The following FLT4 variants were observed in gnomAD, a reference collection of about 807,000 sequenced individuals.
The protein encoded by FLT4 is vascular endothelial growth factor receptor 3.
Under a neutral mutation model 163.2 loss-of-function variants are expected in FLT4, and 30 were observed. The observed-to-expected ratio is 0.18, with a 90% CI of 0.14 to 0.25. FLT4 has a LOEUF of 0.25. Among genes scored for constraint, FLT4 ranks in the 10% least tolerant of loss-of-function variants. The pLI is 1.00. For synonymous variants in FLT4, 884 were observed against 789.5 expected, an observed-to-expected ratio of 1.12 and a Z score of -2.01; for missense variants, 1,510 against 1,863.8, an observed-to-expected ratio of 0.81 and a Z score of 3.50.
chr5:180,604,439 C>T (rs1761679125), intron 29 of FLT4, among the ~76,000 whole-genome samples: 2 of 152,206 alleles, frequency 1.3e-5, no homozygotes, highest in Admixed American at 1.3e-4. Flanking sequence ...TCCTTGCCGG[C>T]TCTGTGACAT....
intron 1 of FLT4, among the ~76,000 whole-genome samples, chr5:180,639,346 AATGG>A (rs1481660846): frequency 5.5e-5 from 4 of 73,194 alleles, no homozygotes; most frequent in Non-Finnish European, 1.2e-4. Context: ...CAGACAGATG[AATGG>A]ATGGATGGAC....
intron 29 of FLT4, among the ~76,000 whole-genome samples, chr5:180,606,073 C>T (rs572067400): frequency 2.4e-4 from 37 of 152,310 alleles, no homozygotes; most frequent in Admixed American, 4.6e-4. Context: ...CGGATGCACC[C>T]GCCAGAGACC....
chr5:180,609,018 C>A lies in FLT4; in HGVS notation c.3843G>T (p.Ser1281=). Residue 1281 remains serine, a synonymous_variant, in exon 29 of 30, where the codon TCG becomes TCT. Coordinates refer to ENST00000261937, the MANE Select transcript of FLT4 (RefSeq NM_182925.5). ...TGCTCTCTATCTGCTCAAACTCCTC[C>A]GAGGCCAGCACCATCCCACTGTCTG... ...NQTDSGMVLA[S]EEFEQIESRH... is the part of the protein sequence containing the mutation. 1 of 1,614,208 alleles carries A rather than the reference C, an allele frequency of 6.2e-7. No homozygotes were observed. Among genetic ancestry groups the A allele is most frequent in the Non-Finnish European group, 8.5e-7 (1 of 1,180,024 alleles).
In FLT4 at chr5:180,630,456, G is replaced by A. The variant is rs549684688; in HGVS notation, c.400+99C>T. The stretch of plus-strand genomic sequence containing the variant: ...CACCCGCTGGAGCAGGTAGGGCCCC[G>A]TTCTCTCCTCCTGCCAGCCCAGGGT... On this transcript the variant is annotated intron_variant, in intron 3 of 29. Transcript: ENST00000261937. This position sits in a 1 kb window ranked among gnomAD's most constrained non-coding sequence, Gnocchi z 6.3. 206 of 1,580,598 alleles carry A rather than the reference G, an allele frequency of 1.3e-4. 1 individual carries two copies. The Middle Eastern group carries it at 1.9e-3, about 14-fold the overall frequency.
intron 23 of FLT4, among the ~76,000 whole-genome samples, chr5:180,615,507 C>T (rs111949772): frequency 1.0e-3 from 31 of 29,542 alleles, no homozygotes; most frequent in Non-Finnish European, 1.2e-3. Context: ...GGGGCCCCGC[C>T]GGTCACCTCC....
chr5:180,631,056 C>A (rs1371828180), intron 2 of FLT4, among the ~76,000 whole-genome samples: 1 of 152,078 alleles, frequency 6.6e-6, no homozygotes, highest in Non-Finnish European at 1.5e-5. Flanking sequence ...AGGTACCCAT[C>A]TCTGGGGCCC....
Position 180,606,031 on chromosome 5 carries a change from G to C in FLT4, c.3894-2641C>G, listed in dbSNP as rs13172346. ...CCCCACCAAGGCACATTCTCTCCTT[G>C]CACCTGTTTGCACAGCATTCTGTAT... On this transcript the variant is annotated intron_variant, in intron 29 of 29. Transcript: ENST00000261937. 5.3e-5 allele frequency among the ~76,000 whole-genome samples: 8 copies of C among 152,182 alleles called. No homozygotes were observed. In the East Asian group the frequency reaches 9.7e-4, roughly 18 times the overall value.
intron 1 of FLT4, among the ~76,000 whole-genome samples, chr5:180,646,935 A>G (rs1765520319): frequency 6.6e-6 from 1 of 152,118 alleles, no homozygotes; most frequent in South Asian, 2.1e-4. Context: ...GGCCTGGTGG[A>G]TGAGGGAACA....
At chr5:180,624,417 C>T (rs1039272962) in intron 10 of FLT4, among the ~76,000 whole-genome samples, 4 of 152,072 alleles carry the variant, frequency 2.6e-5, no homozygotes, top group Admixed American at 1.3e-4. Context: ...TCAGTAGAGT[C>T]GGGGTTTCTC....
At position 180,602,110 on chromosome 5, in the gene FLT4, GA is replaced by G; in HGVS notation, c.*1081del. 4.3e-6 allele frequency: 1 copy of G among 233,788 alleles called. No homozygotes were observed. Among genetic ancestry groups the G allele is most frequent in the Non-Finnish European group, 8.4e-6 (1 of 118,432 alleles). The allele number at this position is 233,788 out of a possible 1,614,324, so 14.5% of individuals were successfully genotyped here. A position where few individuals can be genotyped will look rare whatever the true frequency, so the allele number is the denominator to read the frequency against. ...GGTGCTGATGTCAGGCACAGGGCAG[GA>G]AAAGGCTGAAGGCAGGTCCCCAGAA... On this transcript the variant is annotated 3_prime_UTR_variant, in exon 30 of 30. Transcript: ENST00000261937.
At chr5:180,647,836 C>T (rs1221330997) in intron 1 of FLT4, among the ~76,000 whole-genome samples, 1 of 152,122 alleles carries the variant, frequency 6.6e-6, no homozygotes, top group African/African-American at 2.4e-5. Context: ...CACTAAGAGT[C>T]ACTACTTACT....
intron 27 of FLT4, among the ~76,000 whole-genome samples, chr5:180,610,998 G>A (rs11739410): frequency 0.23 from 34,471 of 151,808 alleles, 4,427 homozygotes; most frequent in Middle Eastern, 0.33. Flanking sequence ...CGGAGCTTGC[G>A]GTGAGCCGAG....
Position 180,629,849 on chromosome 5 carries a change from C to T in FLT4, c.677-14G>A, listed in dbSNP as rs1763947617. 4 of 1,612,610 alleles carry T rather than the reference C, an allele frequency of 2.5e-6. No individual in the cohort carries two copies. Among genetic ancestry groups the T allele is most frequent in the Non-Finnish European group, 3.4e-6 (4 of 1,179,888 alleles). ...AGAGCTCGTTGCCTGTTGACACGCA[C>T]ACAGTGACTCCCACGCCCTCACAGG... is the stretch of plus-strand genomic sequence containing the variant. On this transcript the variant is annotated splice_polypyrimidine_tract_variant and intron_variant, in intron 5 of 29. Coordinates refer to ENST00000261937, the MANE Select transcript of FLT4 (RefSeq NM_182925.5).
intron 6 of FLT4, 24 bp from the exon 7 acceptor site, chr5:180,629,451 G>C (rs753315687): frequency 5.6e-6 from 9 of 1,608,286 alleles, no homozygotes; most frequent in Non-Finnish European, 7.6e-6. Context: ...GGGAAGCCCC[G>C]CGTCAGCAGG....
intron 1 of FLT4, among the ~76,000 whole-genome samples, chr5:180,637,402 G>C (rs558779075): frequency 6.6e-6 from 1 of 151,308 alleles, no homozygotes; most frequent in South Asian, 2.1e-4. Context: ...CACACTGCCA[G>C]CCAGGGCCTC....
intron 10 of FLT4, among the ~76,000 whole-genome samples, chr5:180,624,541 C>T (rs1763451819): frequency 6.6e-6 from 1 of 152,144 alleles, no homozygotes; most frequent in African/African-American, 2.4e-5. Flanking sequence ...TTCTGGAGCT[C>T]TGTCTCCCAC....
chr5:180,603,452 C>A (rs1313122675), intron 29 of FLT4, 62 bp from the exon 30 acceptor site: 2 of 1,487,742 alleles, frequency 1.3e-6, no homozygotes, highest in East Asian at 4.6e-5. Flanking sequence ...GTGGTGCATA[C>A]TGGTAATCCC....
rs113341939 is a variant in FLT4 at position 180,629,323 on chromosome 5, C to T, written c.921G>A (p.Ser307=). 24 of 1,613,200 alleles carry T rather than the reference C, an allele frequency of 1.5e-5. No homozygotes were observed. The highest frequency in any genetic ancestry group is 1.7e-4 in the Middle Eastern group (1 of 6,002). ...IHNVSQHDLG[S]YVCKANNGIQ... is the part of the protein sequence containing the mutation. ...TGCCGTTGTTGGCCTTGCACACATA[C>T]GAGCCCAGGTCGTGCTGGCTGACGT... Residue 307 remains serine, a synonymous_variant, in exon 7 of 30, where the codon TCG becomes TCA. Coordinates refer to ENST00000261937, the MANE Select transcript of FLT4 (RefSeq NM_182925.5).
chr5:180,606,084 T>A lies in FLT4; in HGVS notation c.3894-2694A>T, dbSNP rs1217420681. On this transcript the variant is annotated intron_variant, in intron 29 of 29. Transcript: ENST00000261937. ...CAAGCGGATGCACCCGCCAGAGACC[T>A]GTGGCACCTTTTCTTGGCTCATTGT... is the stretch of plus-strand genomic sequence containing the variant. 3.9e-5 allele frequency among the ~76,000 whole-genome samples: 6 copies of A among 152,220 alleles called. No homozygotes were observed. In the East Asian group the frequency reaches 1.2e-3, roughly 29 times the overall value.
Sources: gnomAD v4.1 joint callset for allele counts (sites outside exome capture counted in the v4.1 genomes callset) on GRCh38, gnomAD v4.1.1 for gene constraint, Gnocchi (gnomAD v3.1) non-coding constraint, MANE v1.5 for transcripts, NCBI Gene and HGNC (gene_info 2026-07-23, HGNC 2026-07-21) for gene names.